RXRA: variants seen among roughly 807,000 people sequenced by gnomAD.
RXRA encodes retinoid X receptor alpha.
In RXRA, 5 loss-of-function variants were observed where a neutral mutation model predicts 44.5. That is an observed-to-expected ratio of 0.11 (90% confidence interval 0.06 to 0.24). The LOEUF is 0.24. RXRA is among the 10% of genes least tolerant of loss of function. The pLI, the probability that RXRA is intolerant of heterozygous loss-of-function variation, is 1.00. For missense variants in RXRA, 412 were observed against 646.5 expected, an observed-to-expected ratio of 0.64 and a Z score of 3.93; for synonymous variants, 291 against 271.4, an observed-to-expected ratio of 1.07 and a Z score of -0.71.
chr9:134,407,599 C>CCGA lies in RXRA; in HGVS notation c.280-549_280-548insGAC, dbSNP rs949224698. Among the ~76,000 whole-genome samples the CCGA allele has an allele frequency of 6.6e-6, 1 of 152,060 alleles. No individual in the cohort carries two copies. The highest frequency in any genetic ancestry group is 1.5e-5 in the Non-Finnish European group (1 of 67,988). The stretch of plus-strand genomic sequence containing the variant: ...CGTGCCACCCGATGCCCGGGGGTGT[C>CCGA]CACTCCCCTCTCCTGGGTCACGTGA... On this transcript the variant is annotated intron_variant, in intron 2 of 9. Coordinates refer to ENST00000481739, the MANE Select transcript of RXRA (RefSeq NM_002957.6). This position sits in a 1 kb window ranked among gnomAD's most constrained non-coding sequence, Gnocchi z 4.8.
In RXRA at chr9:134,433,124, G is replaced by T. The variant is rs1285034383; in HGVS notation, c.1136-978G>T. 6.6e-6 allele frequency among the ~76,000 whole-genome samples: 1 copy of T among 152,114 alleles called. No homozygotes were observed. Among genetic ancestry groups the T allele is most frequent in the Non-Finnish European group, 1.5e-5 (1 of 68,018 alleles). On this transcript the variant is annotated intron_variant, in intron 8 of 9. Transcript: ENST00000481739. This position sits in a 1 kb window ranked among gnomAD's most constrained non-coding sequence, Gnocchi z 4.2. ...AGACCTGGCTCTGAGGGACCGGGCCGGGATGGAGATGGGCATCTTCTTGTG... is the reference window on the plus strand; with the variant it reads ...AGACCTGGCTCTGAGGGACCGGGCCTGGATGGAGATGGGCATCTTCTTGTG...
chr9:134,350,133 G>A (rs1457537223), intron 1 of RXRA, among the ~76,000 whole-genome samples: 4 of 152,080 alleles, frequency 2.6e-5, no homozygotes, highest in East Asian at 1.9e-4. Flanking sequence ...ATGTCATGCC[G>A]ATCGCATGCT....
At position 134,366,849 on chromosome 9, in the gene RXRA, G is replaced by A. The variant is rs79094318; in HGVS notation, c.29-34783G>A. 0.02 allele frequency among the ~76,000 whole-genome samples: 3,059 copies of A among 152,244 alleles called. 105 individuals carry two copies. Among genetic ancestry groups the A allele is most frequent in the African/African-American group, 0.069 (2,857 of 41,532 alleles). ...TAGTGTGAGCAAAGACACAGGAGTCGGGGACACATCCCAGTCGGAACGTGG... is the reference window on the plus strand; with the variant it reads ...TAGTGTGAGCAAAGACACAGGAGTCAGGGACACATCCCAGTCGGAACGTGG... On this transcript the variant is annotated intron_variant, in intron 1 of 9. Transcript: ENST00000481739. The surrounding 1 kb of genome is among the most constrained non-coding windows in gnomAD (Gnocchi z 5.9).
chr9:134,423,973 A>G, intron 6 of RXRA: 1 of 985,120 alleles, frequency 1.0e-6, no homozygotes, highest in Non-Finnish European at 1.2e-6. Context: ...GGCCTGGCGG[A>G]GGTCCGAGTC....
At chr9:134,368,024 C>T (rs918905166) in intron 1 of RXRA, among the ~76,000 whole-genome samples, 1 of 152,268 alleles carries the variant, frequency 6.6e-6, no homozygotes, top group Non-Finnish European at 1.5e-5. Context: ...AACACCACAG[C>T]TCGCGCATGC....
At chr9:134,425,051 C>T (rs1160485142) in intron 6 of RXRA, 12 of 985,334 alleles carry the variant, frequency 1.2e-5, no homozygotes, top group East Asian at 2.3e-4. Flanking sequence ...TTCCCACCAT[C>T]GTGAGAGCCA....
chr9:134,394,560 A>G (rs57863701), intron 1 of RXRA, among the ~76,000 whole-genome samples: 7,332 of 151,998 alleles, frequency 0.048, 620 homozygotes, highest in African/African-American at 0.17. Flanking sequence ...TCTCTGGGGG[A>G]GGCCCGGGCA....
intron 1 of RXRA, among the ~76,000 whole-genome samples, chr9:134,335,827 T>C (rs1424627590): frequency 6.6e-6 from 1 of 152,124 alleles, no homozygotes; most frequent in Non-Finnish European, 1.5e-5. Context: ...GGCCCTTCCC[T>C]ACCACCTATT....
At chr9:134,421,970 T>A in intron 6 of RXRA, 165 bp downstream of exon 6, 3 of 1,425,202 alleles carry the variant, frequency 2.1e-6, no homozygotes, top group Non-Finnish European at 2.8e-6. Flanking sequence ...TCCCCTCTCC[T>A]GGGACACACT....
intron 1 of RXRA, among the ~76,000 whole-genome samples, chr9:134,367,749 G>C (rs1348950672): frequency 2.0e-5 from 3 of 152,198 alleles, no homozygotes; most frequent in Non-Finnish European, 4.4e-5. Context: ...CTCCCCCTCG[G>C]GTGGGGGGTG....
intron 1 of RXRA, among the ~76,000 whole-genome samples, chr9:134,362,720 C>T (rs1029913733): frequency 6.6e-6 from 1 of 152,160 alleles, no homozygotes; most frequent in African/African-American, 2.4e-5. Context: ...CCCAGCAAGG[C>T]CCCCACGAGT....
intron 9 of RXRA, among the ~76,000 whole-genome samples, chr9:134,435,349 C>T (rs1403453579): frequency 6.6e-6 from 1 of 152,156 alleles, no homozygotes; most frequent in African/African-American, 2.4e-5. Flanking sequence ...CATGCCTGGC[C>T]CTGCTATCCC....
At chr9:134,409,787 C>T (rs778810485) in intron 4 of RXRA, among the ~76,000 whole-genome samples, 2 of 152,204 alleles carry the variant, frequency 1.3e-5, no homozygotes, top group Non-Finnish European at 2.9e-5. Context: ...GGTTTGCACA[C>T]ACGTTTGGGG....
At chr9:134,373,880 G>A (rs1189534556) in intron 1 of RXRA, 5 of 152,216 alleles carry the variant, frequency 3.3e-5, no homozygotes, top group Admixed American at 6.5e-5. Flanking sequence ...TTGCTTTGTT[G>A]CCCAGGCTAG....
At chr9:134,431,078 G>A (rs370262179) in intron 7 of RXRA, among the ~76,000 whole-genome samples, 11 of 152,328 alleles carry the variant, frequency 7.2e-5, no homozygotes, top group South Asian at 4.1e-4. Flanking sequence ...CCTCAGGGCC[G>A]CCCTTGGCCC....
chr9:134,339,054 G>A (rs868993646), intron 1 of RXRA, among the ~76,000 whole-genome samples: 2 of 152,228 alleles, frequency 1.3e-5, no homozygotes, highest in African/African-American at 2.4e-5. Context: ...ACTTGGAGCC[G>A]GACCTAGGTC....
intron 1 of RXRA, among the ~76,000 whole-genome samples, chr9:134,368,021 C>T (rs1830435070): frequency 1.3e-5 from 2 of 152,382 alleles, no homozygotes; most frequent in African/African-American, 4.8e-5. Context: ...TTAAACACCA[C>T]AGCTCGCGCA....
intron 1 of RXRA, among the ~76,000 whole-genome samples, chr9:134,329,899 G>A (rs142114945): frequency 6.6e-5 from 10 of 152,292 alleles, no homozygotes; most frequent in African/African-American, 2.4e-4. Context: ...GTACTCAGGG[G>A]TGTGCCCCTC....
chr9:134,332,939 C>T (rs1554746848), intron 1 of RXRA, among the ~76,000 whole-genome samples: 1 of 151,958 alleles, frequency 6.6e-6, no homozygotes, highest in African/African-American at 2.4e-5. Flanking sequence ...GGGCTTAGGC[C>T]AGGTCCCTGG....
Sources: gnomAD v4.1 joint callset for allele counts (sites outside exome capture counted in the v4.1 genomes callset) on GRCh38, gnomAD v4.1.1 for gene constraint, Gnocchi (gnomAD v3.1) non-coding constraint, MANE v1.5 for transcripts, NCBI Gene and HGNC (gene_info 2026-07-23, HGNC 2026-07-21) for gene names.